The following TG variants were observed in gnomAD, a reference collection of about 807,000 sequenced individuals.
The protein encoded by TG is thyroid hormones.
In TG, 270 loss-of-function variants were observed where a neutral mutation model predicts 324.7. That is an observed-to-expected ratio of 0.83 (90% CI 0.75 to 0.92). The LOEUF (loss-of-function observed/expected upper bound fraction) is 0.92. Ranked by LOEUF, TG falls within the 40% of genes least tolerant of loss-of-function variation. The pLI is 0.00. For synonymous variants in TG, 1,401 were observed against 1,327.0 expected (o/e 1.06, Z -1.21); for missense variants, 3,591 against 3,456.4 (o/e 1.04, Z -0.98).
chr8:132,941,585 A>G (rs774198049), intron 26 of TG, 43 bp downstream of exon 26: 228 of 1,611,980 alleles, frequency 1.4e-4, no homozygotes, highest in Non-Finnish European at 1.8e-4. Context: ...AGGGATGGGG[A>G]GCACACAGGG....
chr8:132,874,888 C>T (rs757469601), intron 5 of TG, among the ~76,000 whole-genome samples: 6 of 152,190 alleles, frequency 3.9e-5, no homozygotes, highest in Admixed American at 6.5e-5. Flanking sequence ...ACCAAGGACA[C>T]GCCCTTCTGT....
rs199923962 is a variant in TG, at chr8:132,971,819, G to A, written c.6001G>A (p.Asp2001Asn). The A allele has an allele frequency of 4.9e-4, 790 of 1,613,572 alleles. No individual in the cohort carries two copies. The highest frequency in any genetic ancestry group is 6.4e-4 in the Non-Finnish European group (754 of 1,179,640). ...NGFFECERRC[D>N]ADPCCTGFGF... ...GTTCTTTGAATGTGAACGACGGTGC[G>A]ATGCGGACCCATGCTGCACTGGCTT... The change falls in exon 33 of 48, where the codon GAT (aspartate) becomes AAT (asparagine). Residue 2001 changes from aspartate to asparagine, a missense_variant. Transcript: ENST00000220616.
At chr8:132,930,764 G>A (rs1051539874) in intron 23 of TG, among the ~76,000 whole-genome samples, 1 of 152,068 alleles carries the variant, frequency 6.6e-6, no homozygotes, top group African/African-American at 2.4e-5. Flanking sequence ...GAGGCAAGCA[G>A]GGAAAACACG....
intron 41 of TG, among the ~76,000 whole-genome samples, chr8:133,070,008 AAAAAAAAAAAAAAAAAAAG>A (rs1169217750): frequency 1.2e-4 from 13 of 112,792 alleles, no homozygotes; most frequent in African/African-American, 3.7e-4. Flanking sequence ...CTCCAAAAAA[AAAAAAAAAAAAAAAAAAAG>A]AAAGAAAGAA....
chr8:133,039,094 G>C (rs1179798148), intron 41 of TG, among the ~76,000 whole-genome samples: 1 of 152,100 alleles, frequency 6.6e-6, no homozygotes, highest in Non-Finnish European at 1.5e-5. Flanking sequence ...GGCCAGGCTG[G>C]TCTCAAACTC....
intron 40 of TG, among the ~76,000 whole-genome samples, chr8:133,027,761 T>A (rs551908201): frequency 5.3e-5 from 8 of 152,260 alleles, no homozygotes; most frequent in Non-Finnish European, 1.2e-4. Flanking sequence ...GAATTCTAAT[T>A]GTGAAATAGG....
chr8:132,900,104 C>T (rs558965716), intron 14 of TG, 133 bp from the exon 15 acceptor site: 1 of 744,920 alleles, frequency 1.3e-6, no homozygotes, highest in African/African-American at 1.7e-5. Context: ...CCTCTCCCCA[C>T]CTCCACATCT....
chr8:132,916,865 T>C (rs1048765621), intron 20 of TG, among the ~76,000 whole-genome samples: 1 of 152,292 alleles, frequency 6.6e-6, no homozygotes, highest in Admixed American at 6.5e-5. Context: ...TAACTTTCAC[T>C]CATTCACTAT....
At chr8:133,018,389 C>G (rs1835254299) in intron 38 of TG, among the ~76,000 whole-genome samples, 1 of 152,144 alleles carries the variant, frequency 6.6e-6, no homozygotes, top group African/African-American at 2.4e-5. Flanking sequence ...AAGTGGGGTT[C>G]ACACATCACT....
intron 5 of TG, among the ~76,000 whole-genome samples, chr8:132,879,734 C>T (rs550664998): frequency 5.3e-5 from 8 of 152,178 alleles, no homozygotes; most frequent in African/African-American, 1.7e-4. Context: ...GGGTGATCTC[C>T]AATGTGCGGG....
intron 27 of TG, among the ~76,000 whole-genome samples, chr8:132,956,675 T>A (rs1034557477): frequency 2.0e-5 from 3 of 152,190 alleles, no homozygotes; most frequent in Admixed American, 1.3e-4. Flanking sequence ...TCAGCTGTCA[T>A]GAGCCAGATT....
intron 18 of TG, among the ~76,000 whole-genome samples, chr8:132,910,211 A>G (rs1447337107): frequency 2.0e-5 from 3 of 152,088 alleles, no homozygotes; most frequent in African/African-American, 7.2e-5. Context: ...GGCATGCTAC[A>G]TTCAGGCTTC....
At chr8:132,995,794 G>A (rs1193168314) in intron 35 of TG, among the ~76,000 whole-genome samples, 1 of 152,154 alleles carries the variant, frequency 6.6e-6, no homozygotes, top group Non-Finnish European at 1.5e-5. Context: ...TTGTCATGAG[G>A]CCATAGAAGG....
At chr8:133,016,655 G>A (rs557712261) in intron 37 of TG, among the ~76,000 whole-genome samples, 10 of 152,266 alleles carry the variant, frequency 6.6e-5, no homozygotes, top group East Asian at 1.9e-4. Flanking sequence ...CCAAATCTAC[G>A]TGTCAGAAAT....
chr8:133,053,932 T>C (rs1840886472), intron 41 of TG, among the ~76,000 whole-genome samples: 1 of 152,166 alleles, frequency 6.6e-6, no homozygotes, highest in South Asian at 2.1e-4. Flanking sequence ...TGCCTGATCC[T>C]TTGCAAGAGA....
chr8:133,123,201 G>C (rs1295355754), intron 45 of TG, among the ~76,000 whole-genome samples: 1 of 152,056 alleles, frequency 6.6e-6, no homozygotes, highest in East Asian at 1.9e-4. Flanking sequence ...GTACCTGAAA[G>C]GAAGTAGCAA....
At chr8:132,964,764 C>T in intron 29 of TG, 1 of 619,308 alleles carries the variant, frequency 1.6e-6, no homozygotes, top group Non-Finnish European at 2.9e-6. Flanking sequence ...TGGACATTCA[C>T]AGGCTAGTGA....
intron 45 of TG, among the ~76,000 whole-genome samples, chr8:133,123,494 C>CT (rs981651736): frequency 5.9e-5 from 9 of 152,274 alleles, no homozygotes; most frequent in African/African-American, 2.2e-4. Context: ...GCCCAGGTAC[C>CT]TTTCAAGGCA....
chr8:132,917,532 G>A (rs1368375601), intron 20 of TG, among the ~76,000 whole-genome samples: 1 of 152,082 alleles, frequency 6.6e-6, no homozygotes, highest in Non-Finnish European at 1.5e-5. Context: ...GCTGGGGAAT[G>A]GGGTGTGTGG....
Sources: allele counts gnomAD v4.1 joint callset (sites outside exome capture counted in the v4.1 genomes callset), GRCh38; gene constraint gnomAD v4.1.1; transcripts MANE v1.5; gene names NCBI Gene and HGNC (gene_info 2026-07-23, HGNC 2026-07-21).